The following GPR39 variants were observed in gnomAD, a reference collection of about 807,000 sequenced individuals.
GPR39 encodes the protein G protein-coupled receptor 39.
In GPR39, 23 loss-of-function variants were observed where a neutral mutation model predicts 18.4. The ratio of observed to expected loss-of-function variants is 1.25; its 90% CI spans 0.90 to 1.77. The LOEUF (loss-of-function observed/expected upper bound fraction) is 1.77. Ranked by LOEUF, GPR39 falls within the 40% of genes most tolerant of loss-of-function variation. The pLI, the probability that GPR39 is intolerant of heterozygous loss-of-function variation, is 0.00. For missense variants in GPR39, 647 were observed against 602.4 expected, an observed-to-expected ratio of 1.07 and a Z score of -0.78; for synonymous variants, 280 against 257.9, an observed-to-expected ratio of 1.09 and a Z score of -0.82.
In GPR39 at chr2:132,629,940, A is replaced by C. The variant is rs374031012; in HGVS notation, c.857-15161A>C. ...CTGCTGTCCACTCATTTTCTTTGCA[A>C]CCTGGACCAAATTGGTTCAACGATA... On this transcript the variant is annotated intron_variant, in intron 1 of 1. Coordinates refer to ENST00000329321, the MANE Select transcript of GPR39 (RefSeq NM_001508.3). Among the ~76,000 whole-genome samples, 22 of 152,224 alleles carry C rather than the reference A, an allele frequency of 1.4e-4. No homozygotes were observed. In the South Asian group the frequency reaches 4.6e-3, roughly 32 times the overall value.
chr2:132,609,866 T>C (rs746307071), intron 1 of GPR39, among the ~76,000 whole-genome samples: 18 of 152,142 alleles, frequency 1.2e-4, no homozygotes, highest in Non-Finnish European at 2.2e-4. Flanking sequence ...GTCCTTGTTT[T>C]AGAGTGCCTC....
In GPR39 at chr2:132,547,925, G is replaced by A. The variant is rs537543617; in HGVS notation, c.857-97176G>A. Among the ~76,000 whole-genome samples, 5 of 152,262 alleles carry A rather than the reference G, an allele frequency of 3.3e-5. No homozygotes were observed. In the South Asian group the frequency reaches 1.0e-3, roughly 32 times the overall value. On this transcript the variant is annotated intron_variant, in intron 1 of 1. Coordinates refer to ENST00000329321, the MANE Select transcript of GPR39 (RefSeq NM_001508.3). ...TAATTTGTCAAATTTGCTTGTAAAT[G>A]ACTTTTATGATAGATGGCTTTGCCT...
In GPR39 at chr2:132,417,738, CGTG is replaced by C; in HGVS notation, c.699_701del (p.Val234del). On this transcript the variant is annotated inframe_deletion, in exon 1 of 2. Transcript: ENST00000329321. ...TCTTCGGCGCCTTCGTGGTCTACCT[CGTG>C]GTCCTGCTCTCCGTAGCCTTCATGT... 6.2e-7 allele frequency: 1 copy of C among 1,614,210 alleles called. No homozygotes were observed. Among genetic ancestry groups the C allele is most frequent in the South Asian group, 1.1e-5 (1 of 91,088 alleles).
At chr2:132,602,109 G>A (rs1399703832) in intron 1 of GPR39, among the ~76,000 whole-genome samples, 5 of 150,214 alleles carry the variant, frequency 3.3e-5, no homozygotes, top group African/African-American at 1.2e-4. Flanking sequence ...AAAAATAACA[G>A]AGCAGGGAGC....
chr2:132,644,349 CA>C (rs1681941071), intron 1 of GPR39, among the ~76,000 whole-genome samples: 1 of 152,124 alleles, frequency 6.6e-6, no homozygotes, highest in African/African-American at 2.4e-5. Flanking sequence ...CTCAGTGCTG[CA>C]AAGGAAGGGA....
intron 1 of GPR39, among the ~76,000 whole-genome samples, chr2:132,591,269 A>C (rs965786207): frequency 8.2e-5 from 10 of 122,086 alleles, no homozygotes; most frequent in South Asian, 2.6e-4. Context: ...AAAAAAAAAA[A>C]AAAAAAAACA....
chr2:132,602,910 A>G (rs917448947), intron 1 of GPR39, among the ~76,000 whole-genome samples: 1 of 150,788 alleles, frequency 6.6e-6, no homozygotes, highest in Non-Finnish European at 1.5e-5. Context: ...ATTGTAAAGG[A>G]AAGAGAACTC....
At chr2:132,593,925 C>T (rs1043884743) in intron 1 of GPR39, among the ~76,000 whole-genome samples, 1 of 152,170 alleles carries the variant, frequency 6.6e-6, no homozygotes, top group African/African-American at 2.4e-5. Context: ...TTGCTGGTCA[C>T]CCATCGTTGC....
chr2:132,608,798 G>A lies in GPR39; in HGVS notation c.857-36303G>A, dbSNP rs961793683. Among the ~76,000 whole-genome samples, 3 of 152,152 alleles carry A rather than the reference G, an allele frequency of 2.0e-5. No individual in the cohort carries two copies. In the East Asian group the frequency reaches 5.8e-4, roughly 29 times the overall value. On this transcript the variant is annotated intron_variant, in intron 1 of 1. Coordinates refer to ENST00000329321, the MANE Select transcript of GPR39 (RefSeq NM_001508.3). ...ATTAGCCCCCTCCGCTGCAAAGCTG[G>A]GGTGGGGTGCGGGAGCAGGGCGGGC...
chr2:132,563,700 C>T (rs1402206676), intron 1 of GPR39, among the ~76,000 whole-genome samples: 1 of 152,172 alleles, frequency 6.6e-6, no homozygotes, highest in Non-Finnish European at 1.5e-5. Flanking sequence ...AATCCCAATG[C>T]TCAGGCCTTA....
chr2:132,553,693 T>G (rs1006216458), intron 1 of GPR39, among the ~76,000 whole-genome samples: 1 of 151,978 alleles, frequency 6.6e-6, no homozygotes, highest in African/African-American at 2.4e-5. Flanking sequence ...CCCTCTGGGG[T>G]AGGCCCAGTA....
rs566202241 is a variant in GPR39 at position 132,634,338 on chromosome 2, G to A, written c.857-10763G>A. Among the ~76,000 whole-genome samples the A allele has an allele frequency of 7.3e-4, 111 of 152,260 alleles. 1 individual carries two copies. The highest frequency in any genetic ancestry group is 2.3e-3 in the African/African-American group (97 of 41,526). On this transcript the variant is annotated intron_variant, in intron 1 of 1. Coordinates refer to ENST00000329321, the MANE Select transcript of GPR39 (RefSeq NM_001508.3). ...ATCTCCATTTGCAGATCAGAAGCCC[G>A]AGGAGCCTGAACTTTAGAGAGTAAG... is the stretch of plus-strand genomic sequence containing the variant.
At chr2:132,634,858 T>C (rs1050603076) in intron 1 of GPR39, among the ~76,000 whole-genome samples, 1 of 152,230 alleles carries the variant, frequency 6.6e-6, no homozygotes, top group Non-Finnish European at 1.5e-5. Context: ...GACTTGCATA[T>C]GTACTCTGTT....
chr2:132,645,317 T>A lies in GPR39; in HGVS notation c.1073T>A (p.Val358Glu). The change falls in exon 2 of 2, where the codon GTG becomes GAG. Residue 358 changes from valine (V) to glutamate (E), a missense_variant. Physicochemically the swap from Val to Glu is moderately radical, Grantham distance 121. Coordinates refer to ENST00000329321, the MANE Select transcript of GPR39 (RefSeq NM_001508.3). ...CAGTTTCGGCGGGTGTTCGTGCAGG[T>A]GCTGTGCTGCCGCCTGTCGCTGCAG... ...SQQFRRVFVQ[V>E]LCCRLSLQHA... The A allele has an allele frequency of 6.2e-7, 1 of 1,614,170 alleles. No individual in the cohort carries two copies. Among genetic ancestry groups the A allele is most frequent in the Non-Finnish European group, 8.5e-7 (1 of 1,180,036 alleles).
In GPR39 at chr2:132,602,867, A is replaced by AAG. The variant is rs913263237; in HGVS notation, c.857-42230_857-42229dup. ...CCTTTTTAGCCTAGAATGGCTTAAA[A>AAG]AGAGAAAAAAAAAAAAAACAAATGC... On this transcript the variant is annotated intron_variant, in intron 1 of 1. Coordinates refer to ENST00000329321, the MANE Select transcript of GPR39 (RefSeq NM_001508.3). 3.6e-4 allele frequency among the ~76,000 whole-genome samples: 24 copies of AAG among 67,094 alleles called. No homozygotes were observed. The East Asian group carries it at 5.6e-3, about 16-fold the overall frequency. The allele number at this position is 67,094 out of a possible 152,430, so 44.0% of individuals were successfully genotyped here. A position where few individuals can be genotyped will look rare whatever the true frequency, so the allele number is the denominator to read the frequency against.
intron 1 of GPR39, among the ~76,000 whole-genome samples, chr2:132,436,803 T>G (rs1680330390): frequency 6.6e-6 from 1 of 152,208 alleles, no homozygotes; most frequent in African/African-American, 2.4e-5. Context: ...TCAGTTTCCA[T>G]CAATCAAATC....
rs200330342 is a variant in GPR39, at chr2:132,473,559, G to GA, written c.856+55670dup. Among the ~76,000 whole-genome samples, 72 of 150,058 alleles carry GA rather than the reference G, an allele frequency of 4.8e-4. No individual in the cohort carries two copies. The East Asian group carries it at 7.8e-3, about 16-fold the overall frequency. On this transcript the variant is annotated intron_variant, in intron 1 of 1. Transcript: ENST00000329321. ...TTTGATGCCATCACTAATGGATATT[G>GA]AAAAAAAAAGCATTTATCAACTCAG...
intron 1 of GPR39, among the ~76,000 whole-genome samples, chr2:132,425,285 T>C (rs1010374649): frequency 2.6e-5 from 4 of 152,230 alleles, no homozygotes; most frequent in African/African-American, 9.6e-5. Flanking sequence ...GCACAGATGA[T>C]GTCTCTCGAC....
intron 1 of GPR39, among the ~76,000 whole-genome samples, chr2:132,622,521 A>T (rs1681461250): frequency 6.6e-6 from 1 of 152,254 alleles, no homozygotes; most frequent in African/African-American, 2.4e-5. Context: ...GTTGGGTTAC[A>T]GTTTGGCTTT....
Sources: gnomAD v4.1 joint callset for allele counts (sites outside exome capture counted in the v4.1 genomes callset) on GRCh38, gnomAD v4.1.1 for gene constraint, MANE v1.5 for transcripts, NCBI Gene and HGNC (gene_info 2026-07-23, HGNC 2026-07-21) for gene names.